PIK3CA: variants seen among roughly 807,000 people sequenced by gnomAD.
PIK3CA encodes the protein phosphatidylinositol 4,5-bisphosphate 3-kinase catalytic subunit alpha isoform.
Under a neutral mutation model 138.2 loss-of-function variants are expected in PIK3CA, and 27 were observed. The observed-to-expected ratio is 0.20, with a 90% CI of 0.14 to 0.27. The LOEUF (loss-of-function observed/expected upper bound fraction) is 0.27, where lower values mean the gene tolerates loss of function less well. PIK3CA is among the 10% of genes least tolerant of loss of function. PIK3CA has a pLI of 1.00. For missense variants in PIK3CA, 544 were observed against 1,277.4 expected (o/e 0.43, Z 8.75); for synonymous variants, 358 against 413.2 (o/e 0.87, Z 1.62).
chr3:179,189,915 A>G (rs1395453718), intron 1 of PIK3CA, among the ~76,000 whole-genome samples: 2 of 152,184 alleles, frequency 1.3e-5, no homozygotes, highest in Non-Finnish European at 2.9e-5. Context: ...AAAGAAATGG[A>G]TAATATGCAT....
At chr3:179,202,449 C>A (rs573740398) in intron 4 of PIK3CA, among the ~76,000 whole-genome samples, 1 of 152,288 alleles carries the variant, frequency 6.6e-6, no homozygotes, top group Non-Finnish European at 1.5e-5. Flanking sequence ...CCATGACCTA[C>A]TGTTAAGATA....
Position 179,234,811 on chromosome 3 carries a change from T to C in PIK3CA, c.*447T>C, listed in dbSNP as rs193270376. On this transcript the variant is annotated 3_prime_UTR_variant, in exon 21 of 21. Coordinates refer to ENST00000263967, the MANE Select transcript of PIK3CA (RefSeq NM_006218.4). This position sits in a 1 kb window ranked among gnomAD's most constrained non-coding sequence, Gnocchi z 5.1. ...GGTGTAAGTAAACTGGAGTTTATGT[T>C]AAATTACATTGATTGGAAAAGAATG... 6.4e-4 allele frequency: 149 copies of C among 232,814 alleles called. 2 individuals carry two copies. Among genetic ancestry groups the C allele is most frequent in the Admixed American group, 2.3e-3 (40 of 17,758 alleles). 14.4% of individuals were successfully genotyped at this position (232,814 alleles called of 1,614,324 possible). A position where few individuals can be genotyped will look rare whatever the true frequency, so the allele number is the denominator to read the frequency against.
intron 14 of PIK3CA, among the ~76,000 whole-genome samples, chr3:179,223,321 A>T (rs1725010458): frequency 6.6e-6 from 1 of 152,226 alleles, no homozygotes; most frequent in Non-Finnish European, 1.5e-5. Context: ...TTATATTTTC[A>T]ATAGGTGAAA....
At chr3:179,159,808 A>C (rs1365012797) in intron 1 of PIK3CA, among the ~76,000 whole-genome samples, 1 of 152,202 alleles carries the variant, frequency 6.6e-6, no homozygotes, top group Non-Finnish European at 1.5e-5. Flanking sequence ...CTAAACACCT[A>C]TGCTATCTGG....
chr3:179,157,874 G>A (rs1723179154), intron 1 of PIK3CA, among the ~76,000 whole-genome samples: 2 of 152,048 alleles, frequency 1.3e-5, no homozygotes, highest in Non-Finnish European at 2.9e-5. Context: ...TATTCTCCGG[G>A]TAATACGTAT....
intron 4 of PIK3CA, among the ~76,000 whole-genome samples, chr3:179,203,255 A>G (rs1373434845): frequency 6.6e-6 from 1 of 151,370 alleles, no homozygotes; most frequent in Non-Finnish European, 1.5e-5. Context: ...CCTTGTTTTT[A>G]ATTCCTTTTT....
chr3:179,197,069 C>A (rs1038174017), intron 1 of PIK3CA, among the ~76,000 whole-genome samples: 30 of 151,806 alleles, frequency 2.0e-4, no homozygotes, highest in African/African-American at 7.3e-4. Context: ...GATGGAGTCT[C>A]GCTCTGTCGC....
intron 1 of PIK3CA, among the ~76,000 whole-genome samples, chr3:179,155,530 GA>G: frequency 6.6e-6 from 1 of 151,036 alleles, no homozygotes; most frequent in East Asian, 1.9e-4. Flanking sequence ...TGCATATACA[GA>G]TTTTTTTTGG....
chr3:179,187,537 CAAAAAAAAAA>C (rs375116506), intron 1 of PIK3CA, among the ~76,000 whole-genome samples: 26 of 63,346 alleles, frequency 4.1e-4, no homozygotes, highest in Admixed American at 5.9e-4. Flanking sequence ...GACTCCGCCT[CAAAAAAAAAA>C]AAAAAAAAAA....
intron 1 of PIK3CA, among the ~76,000 whole-genome samples, chr3:179,155,598 TTAAG>T (rs2108350502): frequency 6.6e-6 from 1 of 152,290 alleles, no homozygotes; most frequent in African/African-American, 2.4e-5. Context: ...TTACATTGTA[TTAAG>T]TATTAAAAGT....
At chr3:179,164,887 GA>G (rs1723379749) in intron 1 of PIK3CA, among the ~76,000 whole-genome samples, 1 of 151,514 alleles carries the variant, frequency 6.6e-6, no homozygotes. Context: ...AAAAGAAAAA[GA>G]AAAAAGAAAT....
rs747546701 is a variant in PIK3CA at position 179,230,000 on chromosome 3, G to T, written c.2667-4G>T. 6.3e-7 allele frequency: 1 copy of T among 1,596,932 alleles called. No individual in the cohort carries two copies. The highest frequency in any genetic ancestry group is 8.6e-7 in the Non-Finnish European group (1 of 1,165,726). On this transcript the variant is annotated splice_polypyrimidine_tract_variant and splice_region_variant and intron_variant, in intron 18 of 20. Transcript: ENST00000263967. ...ACTACTCATGAGGTGTTTATTCTTT[G>T]TAGATATGATGCAGCCATTGACCTG...
rs1013982548 is a variant in PIK3CA, at chr3:179,199,942, G to C, written c.562+43G>C. 6.0e-6 allele frequency: 7 copies of C among 1,172,504 alleles called. No individual in the cohort carries two copies. In the African/African-American group the frequency reaches 9.2e-5, roughly 15 times the overall value. 72.6% of individuals were successfully genotyped at this position (1,172,504 alleles called of 1,614,324 possible). ...CTACTCTAATCATTACTATAGTGCA[G>C]TCTTCTACCTGTGTCTATATCTTTG... is the stretch of plus-strand genomic sequence containing the variant. On this transcript the variant is annotated intron_variant, in intron 3 of 20. Coordinates refer to ENST00000263967, the MANE Select transcript of PIK3CA (RefSeq NM_006218.4).
Position 179,209,642 on chromosome 3 carries a change from G to A in PIK3CA, c.1193G>A (p.Arg398His), listed in dbSNP as rs748197872. ...NYDIYIPDLP[R>H]AARLCLSICS... is the part of the protein sequence containing the mutation. ...GATATATACATTCCTGATCTTCCTC[G>A]TGCTGCTCGACTTTGCCTTTCCATT... Residue 398 changes from arginine (R) to histidine (H), a missense_variant, in exon 7 of 21, where the codon CGT becomes CAT. Arg to His is a conservative substitution (Grantham distance 29). This residue lies in a region of PIK3CA where 234 missense variants were observed against 401.3 expected (regional missense o/e 0.58). Coordinates refer to ENST00000263967, the MANE Select transcript of PIK3CA (RefSeq NM_006218.4). 6.2e-7 allele frequency: 1 copy of A among 1,612,262 alleles called. No homozygotes were observed. Among genetic ancestry groups the A allele is most frequent in the South Asian group, 1.1e-5 (1 of 90,844 alleles).
At position 179,238,659 on chromosome 3, in the gene PIK3CA, T is replaced by C. The variant is rs993430098; in HGVS notation, c.*4295T>C. On this transcript the variant is annotated 3_prime_UTR_variant, in exon 21 of 21. Transcript: ENST00000263967. Reference sequence around the variant, plus strand: ...GAAGTTTAATCGTTGGTCCAGCCATTTGAAAAAGGCAATAGTTTGAGGAGG... The same window carrying C: ...GAAGTTTAATCGTTGGTCCAGCCATCTGAAAAAGGCAATAGTTTGAGGAGG... 34 of 225,756 alleles carry C rather than the reference T, an allele frequency of 1.5e-4. No homozygotes were observed. Among genetic ancestry groups the C allele is most frequent in the African/African-American group, 7.6e-4 (34 of 44,896 alleles). 14.0% of individuals were successfully genotyped at this position (225,756 alleles called of 1,614,324 possible). A position where few individuals can be genotyped will look rare whatever the true frequency, so the allele number is the denominator to read the frequency against.
At position 179,190,997 on chromosome 3, in the gene PIK3CA, G is replaced by C. The variant is rs181466232; in HGVS notation, c.-76-7753G>C. Among the ~76,000 whole-genome samples the C allele has an allele frequency of 2.9e-3, 441 of 152,282 alleles. 1 individual carries two copies. Among genetic ancestry groups the C allele is most frequent in the Non-Finnish European group, 4.4e-3 (298 of 68,024 alleles). ...ATAGGTGAAAAGTCTGTATGGGCCTGGTGTCTTGGGTGTGCGGACCTCTAG... is the reference window on the plus strand; with the variant it reads ...ATAGGTGAAAAGTCTGTATGGGCCTCGTGTCTTGGGTGTGCGGACCTCTAG... On this transcript the variant is annotated intron_variant, in intron 1 of 20. Coordinates refer to ENST00000263967, the MANE Select transcript of PIK3CA (RefSeq NM_006218.4).
intron 1 of PIK3CA, among the ~76,000 whole-genome samples, chr3:179,160,132 T>A (rs1723238802): frequency 6.6e-6 from 1 of 152,116 alleles, no homozygotes; most frequent in African/African-American, 2.4e-5. Context: ...CTAGATTTTT[T>A]AAAAAGTAAA....
chr3:179,166,659 A>G (rs1368577891), intron 1 of PIK3CA, among the ~76,000 whole-genome samples: 9 of 152,210 alleles, frequency 5.9e-5, no homozygotes, highest in Admixed American at 5.9e-4. Context: ...TTGAGCTAAT[A>G]TTTATGTAGG....
At chr3:179,155,750 A>C (rs1560121389) in intron 1 of PIK3CA, among the ~76,000 whole-genome samples, 1 of 152,222 alleles carries the variant, frequency 6.6e-6, no homozygotes, top group Non-Finnish European at 1.5e-5. Flanking sequence ...CATAGATACC[A>C]AGGGATAACT....
Sources: gnomAD v4.1 joint callset for allele counts (sites outside exome capture counted in the v4.1 genomes callset) on GRCh38, gnomAD v4.1.1 for gene constraint, gnomAD v4.1.1 regional missense constraint, Gnocchi (gnomAD v3.1) non-coding constraint, MANE v1.5 for transcripts, NCBI Gene and HGNC (gene_info 2026-07-23, HGNC 2026-07-21) for gene names.